Variants in ZFYVE28 observed in about 807,000 individuals in gnomAD.
ZFYVE28 encodes lateral signaling target protein 2 homolog.
A neutral mutation model predicts 82.1 loss-of-function variants in ZFYVE28; 40 were observed. The observed-to-expected ratio is 0.49, with a 90% CI of 0.38 to 0.63. The LOEUF is 0.63. Among genes scored for constraint, ZFYVE28 ranks in the 30% least tolerant of loss-of-function variants. ZFYVE28 has a pLI of 0.00. For missense variants in ZFYVE28, 1,321 were observed against 1,242.1 expected, an observed-to-expected ratio of 1.06 and a Z score of -0.96; for synonymous variants, 612 against 546.1, an observed-to-expected ratio of 1.12 and a Z score of -1.68.
At chr4:2,278,655 G>A (rs1711517977) in intron 8 of ZFYVE28, among the ~76,000 whole-genome samples, 1 of 151,002 alleles carries the variant, frequency 6.6e-6, no homozygotes, top group Admixed American at 6.6e-5. Flanking sequence ...AGAAAGTGAA[G>A]AGAAAACCCA....
At chr4:2,287,810 G>C (rs1032280696) in intron 8 of ZFYVE28, 20 of 152,328 alleles carry the variant, frequency 1.3e-4, no homozygotes, top group African/African-American at 4.8e-4. Flanking sequence ...CAGGGCGAGG[G>C]GGGCACTCTG....
At chr4:2,367,376 C>T (rs1894434) in intron 1 of ZFYVE28, among the ~76,000 whole-genome samples, 29,014 of 152,262 alleles carry the variant, frequency 0.19, 2,913 homozygotes, top group Middle Eastern at 0.3. Flanking sequence ...TCAAGCCCCC[C>T]GTTGCAGGGG....
chr4:2,341,385 G>T lies in ZFYVE28; in HGVS notation c.318+93C>A. 6.5e-7 allele frequency: 1 copy of T among 1,528,500 alleles called. No homozygotes were observed. Among genetic ancestry groups the T allele is most frequent in the South Asian group, 1.2e-5 (1 of 83,156 alleles). The allele number at this position is 1,528,500 out of a possible 1,614,324, so 94.7% of individuals were successfully genotyped here. A position where few individuals can be genotyped will look rare whatever the true frequency, so the allele number is the denominator to read the frequency against. On this transcript the variant is annotated intron_variant, in intron 3 of 12. Transcript: ENST00000290974. The surrounding 1 kb of genome is among the most constrained non-coding windows in gnomAD (Gnocchi z 4.5). ...GCTCTTGGAGGAGACACCAGGTCCC[G>T]GCACCTGCAGGCGCCCATGCACAAG...
At chr4:2,410,055 C>A (rs548121492) in intron 1 of ZFYVE28, among the ~76,000 whole-genome samples, 1 of 152,310 alleles carries the variant, frequency 6.6e-6, no homozygotes, top group South Asian at 2.1e-4. Context: ...AACACCTTTT[C>A]CCTTGATTAT....
At position 2,339,201 on chromosome 4, in the gene ZFYVE28, T is replaced by TC. The variant is rs1481534778; in HGVS notation, c.521+251dup. On this transcript the variant is annotated intron_variant, in intron 4 of 12. Coordinates refer to ENST00000290974, the MANE Select transcript of ZFYVE28 (RefSeq NM_020972.3). The surrounding 1 kb of genome is among the most constrained non-coding windows in gnomAD (Gnocchi z 5.0). The stretch of plus-strand genomic sequence containing the variant: ...GCCCCTCGGGCCTCTCCAAAGCCCT[T>TC]CCCCTGGAGGCCCACGGCGGCCAGA... 2.0e-5 allele frequency among the ~76,000 whole-genome samples: 3 copies of TC among 152,098 alleles called. No homozygotes were observed. The East Asian group carries it at 5.8e-4, about 29-fold the overall frequency.
chr4:2,271,124 C>T, intron 12 of ZFYVE28, 187 bp downstream of exon 12: 1 of 743,640 alleles, frequency 1.3e-6, no homozygotes, highest in Non-Finnish European at 2.2e-6. Context: ...GACATGGGCA[C>T]CATCCAGGTT....
At chr4:2,272,553 T>C (rs577171221) in intron 10 of ZFYVE28, among the ~76,000 whole-genome samples, 2 of 152,316 alleles carry the variant, frequency 1.3e-5, no homozygotes, top group East Asian at 3.9e-4. Flanking sequence ...TATGCGTGAG[T>C]ACATGTGTGC....
rs558335305 is a variant in ZFYVE28, at chr4:2,353,940, G to A, written c.173C>T (p.Ser58Phe). Residue 58 changes from serine (S) to phenylalanine (F), a missense_variant, in exon 2 of 13, where the codon TCC (serine) becomes TTC (phenylalanine). Ser to Phe is a radical substitution (Grantham distance 155, BLOSUM62 -2). Around this residue, in one of 2 missense-constraint regions of ZFYVE28, gnomAD observed 343 missense variants for 408.4 expected, o/e 0.84. Coordinates refer to ENST00000290974, the MANE Select transcript of ZFYVE28 (RefSeq NM_020972.3). ...TGCTGCCCCGTGGCTCACCTGACAG[G>A]AGCGGAACTGGCTGACCAGCAGCGT... Reference protein sequence around the residue: ...RCTLLVSQFRSCQDNVLNIIN... With the variant: ...RCTLLVSQFRFCQDNVLNIIN... 44 of 1,541,350 alleles carry A rather than the reference G, an allele frequency of 2.9e-5. No homozygotes were observed. The African/African-American group carries it at 5.1e-4, about 18-fold the overall frequency.
At chr4:2,346,049 C>T (rs1723487857) in intron 2 of ZFYVE28, among the ~76,000 whole-genome samples, 1 of 151,840 alleles carries the variant, frequency 6.6e-6, no homozygotes, top group African/African-American at 2.4e-5. Context: ...AAATTCTTGG[C>T]CAGGGGCGGT....
At chr4:2,294,238 G>C (rs1357857585) in intron 8 of ZFYVE28, among the ~76,000 whole-genome samples, 1 of 152,200 alleles carries the variant, frequency 6.6e-6, no homozygotes, top group Non-Finnish European at 1.5e-5. Flanking sequence ...TGTGGCATTG[G>C]TGTCAATACA....
chr4:2,289,809 G>C (rs1713321264), intron 8 of ZFYVE28, among the ~76,000 whole-genome samples: 1 of 152,060 alleles, frequency 6.6e-6, no homozygotes, highest in Non-Finnish European at 1.5e-5. Context: ...TTGTGGACTT[G>C]GGGCTCAGGA....
chr4:2,351,115 G>A (rs1005509716), intron 2 of ZFYVE28, among the ~76,000 whole-genome samples: 1 of 152,176 alleles, frequency 6.6e-6, no homozygotes, highest in Non-Finnish European at 1.5e-5. Context: ...CATCTGAATG[G>A]GGGGCCGTCT....
chr4:2,346,046 T>C (rs900718590), intron 2 of ZFYVE28, among the ~76,000 whole-genome samples: 1 of 151,892 alleles, frequency 6.6e-6, no homozygotes, highest in African/African-American at 2.4e-5. Context: ...AAGAAATTCT[T>C]GGCCAGGGGC....
At chr4:2,355,690 G>A (rs1725210902) in intron 1 of ZFYVE28, among the ~76,000 whole-genome samples, 1 of 152,110 alleles carries the variant, frequency 6.6e-6, no homozygotes, top group African/African-American at 2.4e-5. Flanking sequence ...AGATCCTCCT[G>A]CCTCAGCCTC....
chr4:2,282,254 C>G (rs367838324), intron 8 of ZFYVE28, among the ~76,000 whole-genome samples: 26 of 152,242 alleles, frequency 1.7e-4, no homozygotes, highest in African/African-American at 5.3e-4. Context: ...CCTGCAACAG[C>G]CCCACTTCGG....
chr4:2,404,224 A>C (rs1346509412), intron 1 of ZFYVE28, among the ~76,000 whole-genome samples: 1 of 146,958 alleles, frequency 6.8e-6, no homozygotes, highest in East Asian at 2.1e-4. Flanking sequence ...CAGGAGGCTG[A>C]GGCAGGAGAA....
At chr4:2,308,622 G>GAAGA (rs1238806821) in intron 7 of ZFYVE28, among the ~76,000 whole-genome samples, 893 of 81,786 alleles carry the variant, frequency 0.011, 14 homozygotes, top group Non-Finnish European at 0.016. Flanking sequence ...AAGAAAGAAA[G>GAAGA]AAGACAGAAA....
intron 2 of ZFYVE28, among the ~76,000 whole-genome samples, chr4:2,351,662 C>T (rs1014428245): frequency 6.6e-6 from 1 of 152,112 alleles, no homozygotes; most frequent in Non-Finnish European, 1.5e-5. Flanking sequence ...TGCAGTGAGC[C>T]GAGATCGTAT....
intron 2 of ZFYVE28, among the ~76,000 whole-genome samples, chr4:2,353,666 G>T (rs1724801480): frequency 6.6e-6 from 1 of 152,122 alleles, no homozygotes; most frequent in African/African-American, 2.4e-5. Context: ...TGGCTCAGAA[G>T]CCTGCTCACT....
Sources: gnomAD v4.1 joint callset for allele counts (sites outside exome capture counted in the v4.1 genomes callset) on GRCh38, gnomAD v4.1.1 for gene constraint, gnomAD v4.1.1 regional missense constraint, Gnocchi (gnomAD v3.1) non-coding constraint, MANE v1.5 for transcripts, NCBI Gene and HGNC (gene_info 2026-07-23, HGNC 2026-07-21) for gene names.